MBP: variants seen among roughly 807,000 people sequenced by gnomAD.
The protein encoded by MBP is myelin basic protein.
In MBP, 16 loss-of-function variants were observed where a neutral mutation model predicts 35.8. The observed-to-expected ratio is 0.45, with a 90% confidence interval of 0.30 to 0.68. MBP has a LOEUF of 0.68. Among genes scored for constraint, MBP ranks in the 30% least tolerant of loss-of-function variants. The probability of loss-of-function intolerance (pLI) is 0.08; values close to 1 mark genes in which losing one functional copy is unlikely to be tolerated. For missense variants in MBP, 380 were observed against 404.7 expected (o/e 0.94, Z 0.52); for synonymous variants, 143 against 159.6 (o/e 0.90, Z 0.78).
In MBP at chr18:77,105,253, G is replaced by A; in HGVS notation, c.9C>T (p.Asn3=). 6.2e-7 allele frequency: 1 copy of A among 1,612,482 alleles called. No homozygotes were observed. Among genetic ancestry groups the A allele is most frequent in the South Asian group, 1.1e-5 (1 of 91,054 alleles). MG[N]HAGKRELNAE... is the part of the protein sequence containing the mutation. ...CATTTAATTCTCGTTTGCCTGCGTG[G>A]TTTCCCATCCTGAATGGATTGGCTC... The change falls in exon 2 of 9, where the codon AAC becomes AAT. Residue 3 remains asparagine, a synonymous_variant. Transcript: ENST00000355994.
intron 3 of MBP, among the ~76,000 whole-genome samples, chr18:77,025,510 A>G (rs921087015): frequency 6.6e-6 from 1 of 152,092 alleles, no homozygotes; most frequent in African/African-American, 2.4e-5. Context: ...AGGACATTCA[A>G]CACCCACCCG....
intron 4 of MBP, chr18:77,014,260 C>T (rs902571143): frequency 2.0e-6 from 2 of 985,330 alleles, no homozygotes. Flanking sequence ...GGGGCGGCCG[C>T]TCCAACATGT....
chr18:77,031,903 C>G (rs923715620), intron 3 of MBP, among the ~76,000 whole-genome samples: 3 of 152,232 alleles, frequency 2.0e-5, no homozygotes, highest in African/African-American at 7.2e-5. Flanking sequence ...TTTTGTCGAG[C>G]ACTCAGCTCC....
chr18:77,012,512 C>CT (rs1467082329), intron 4 of MBP, among the ~76,000 whole-genome samples: 1 of 152,176 alleles, frequency 6.6e-6, no homozygotes, highest in Non-Finnish European at 1.5e-5. Context: ...TAAAATGTCT[C>CT]TGTGTAGTAA....
chr18:76,983,579 G>A (rs1969344692), intron 8 of MBP: 1 of 152,234 alleles, frequency 6.6e-6, no homozygotes. Context: ...ACGTTGAGGA[G>A]TGGATCCTGC....
intron 7 of MBP, chr18:76,985,927 C>A: frequency 1.0e-6 from 1 of 986,314 alleles, no homozygotes; most frequent in Non-Finnish European, 1.2e-6. Context: ...TCCTCATGGG[C>A]CGTGTGACCG....
Position 77,057,824 on chromosome 18 carries a change from G to GTTTTTTTTTTTTTTTTTT in MBP, c.139+8456_139+8473dup. Among the ~76,000 whole-genome samples the GTTTTTTTTTTTTTTTTTT allele has an allele frequency of 1.3e-3, 12 of 9,198 alleles. 5 individuals carry two copies. Among genetic ancestry groups the GTTTTTTTTTTTTTTTTTT allele is most frequent in the African/African-American group, 9.9e-3 (12 of 1,208 alleles). 6.0% of individuals were successfully genotyped at this position (9,198 alleles called of 152,430 possible). On this transcript the variant is annotated intron_variant, in intron 3 of 8. Transcript: ENST00000355994. ...GGGACACCTGAGGAAGGCGGGGAGT[G>GTTTTTTTTTTTTTTTTTT]TTTTTTTTTTTTTTTTTTTTGAGAC...
chr18:77,029,211 C>G (rs1259023294), intron 3 of MBP, among the ~76,000 whole-genome samples: 1 of 144,038 alleles, frequency 6.9e-6, no homozygotes, highest in African/African-American at 2.5e-5. Flanking sequence ...GAGCTGGAGA[C>G]CAGCCCGGCC....
chr18:77,036,922 A>G (rs1179935492), intron 3 of MBP, among the ~76,000 whole-genome samples: 1 of 59,920 alleles, frequency 1.7e-5, no homozygotes. Context: ...CACATTTTGG[A>G]GACTGAGCTG....
At chr18:76,987,655 A>G (rs1969633285) in intron 7 of MBP, 24 of 989,676 alleles carry the variant, frequency 2.4e-5, no homozygotes, top group Non-Finnish European at 2.9e-5. Flanking sequence ...GTTCTAGCGT[A>G]TGAGAGCATT....
At chr18:77,058,290 T>C (rs1973823665) in intron 3 of MBP, among the ~76,000 whole-genome samples, 1 of 152,150 alleles carries the variant, frequency 6.6e-6, no homozygotes, top group Non-Finnish European at 1.5e-5. Flanking sequence ...CAGCAGGCAG[T>C]GGCTCCGCTC....
In MBP at chr18:76,988,234, C is replaced by A; in HGVS notation, c.750+261G>T. On this transcript the variant is annotated intron_variant, in intron 7 of 8. Coordinates refer to ENST00000355994, the MANE Select transcript of MBP (RefSeq NM_001025101.2). The surrounding 1 kb of genome is among the most constrained non-coding windows in gnomAD (Gnocchi z 5.2). ...GGAGACCAGTCACGTCGCCTGGGAACCCTCTGGGAGAAGAGGATCTGGCCT... is the reference window on the plus strand; with the variant it reads ...GGAGACCAGTCACGTCGCCTGGGAAACCTCTGGGAGAAGAGGATCTGGCCT... 2 of 1,549,894 alleles carry A rather than the reference C, an allele frequency of 1.3e-6. No homozygotes were observed. Among genetic ancestry groups the A allele is most frequent in the South Asian group, 1.2e-5 (1 of 83,940 alleles).
At position 76,986,574 on chromosome 18, in the gene MBP, C is replaced by G. The variant is rs372835019; in HGVS notation, c.751-1680G>C. On this transcript the variant is annotated intron_variant, in intron 7 of 8. Transcript: ENST00000355994. ...TTCGTGTGAACAGTTGATTCGGGGG[C>G]TATCCAGTGAGGTGAGGGACGGGAT... 3 of 985,528 alleles carry G rather than the reference C, an allele frequency of 3.0e-6. No individual in the cohort carries two copies. The African/African-American group carries it at 5.2e-5, about 17-fold the overall frequency. The allele number at this position is 985,528 out of a possible 1,614,324, so 61.0% of individuals were successfully genotyped here.
intron 3 of MBP, among the ~76,000 whole-genome samples, chr18:77,022,743 G>A (rs1457450695): frequency 2.6e-5 from 4 of 152,206 alleles, no homozygotes; most frequent in African/African-American, 9.7e-5. Flanking sequence ...GTTGGGCTTT[G>A]TGTCCCTGAA....
At position 77,024,346 on chromosome 18, in the gene MBP, G is replaced by T. The variant is rs1972111562; in HGVS notation, c.140-7078C>A. ...CCAATGTGGCCCAGGGAAGCCAAAA[G>T]ATTGGATACCCCGGTCTAAAGAATT... On this transcript the variant is annotated intron_variant, in intron 3 of 8. Transcript: ENST00000355994. Among the ~76,000 whole-genome samples the T allele has an allele frequency of 3.9e-5, 6 of 152,198 alleles. No homozygotes were observed. The South Asian group carries it at 1.2e-3, about 31-fold the overall frequency.
chr18:77,065,473 G>A (rs560890278), intron 3 of MBP, among the ~76,000 whole-genome samples: 2 of 152,246 alleles, frequency 1.3e-5, no homozygotes, highest in South Asian at 2.1e-4. Flanking sequence ...TCCAACACAC[G>A]AAATGTAGGG....
intron 3 of MBP, among the ~76,000 whole-genome samples, chr18:77,054,062 G>T (rs367976722): frequency 2.6e-5 from 4 of 152,254 alleles, no homozygotes; most frequent in African/African-American, 9.6e-5. Flanking sequence ...CCTCGGCCTG[G>T]TCTGCAGGGT....
At chr18:77,074,337 C>T (rs574472003) in intron 2 of MBP, among the ~76,000 whole-genome samples, 2 of 151,078 alleles carry the variant, frequency 1.3e-5, no homozygotes, top group Admixed American at 6.6e-5. Flanking sequence ...GTTCAGTGAG[C>T]CCGGGTCTCA....
intron 4 of MBP, among the ~76,000 whole-genome samples, chr18:77,009,196 C>CTT: frequency 6.6e-6 from 1 of 152,200 alleles, no homozygotes. Context: ...GGGCTTGTCC[C>CTT]CTTCCCCTTC....
Sources: allele counts gnomAD v4.1 joint callset (sites outside exome capture counted in the v4.1 genomes callset), GRCh38; gene constraint gnomAD v4.1.1; non-coding constraint Gnocchi (gnomAD v3.1); transcripts MANE v1.5; gene names NCBI Gene and HGNC (gene_info 2026-07-23, HGNC 2026-07-21).